COP1: variants seen among roughly 807,000 people sequenced by gnomAD.
COP1 encodes the protein COP1 E3 ubiquitin ligase.
Under a neutral mutation model 101.3 loss-of-function variants are expected in COP1, and 24 were observed. The ratio of observed to expected loss-of-function variants is 0.24; its 90% CI spans 0.17 to 0.33. The LOEUF is 0.33. Among genes scored for constraint, COP1 ranks in the 10% least tolerant of loss-of-function variants. The pLI, the probability that COP1 is intolerant of heterozygous loss-of-function variation, is 1.00. For missense variants in COP1, 663 were observed against 906.2 expected (o/e 0.73, Z 3.45); for synonymous variants, 347 against 341.9 (o/e 1.01, Z -0.17).
chr1:175,991,990 T>C (rs111487842), intron 15 of COP1, among the ~76,000 whole-genome samples: 4,127 of 152,324 alleles, frequency 0.027, 178 homozygotes, highest in African/African-American at 0.094. Context: ...TGGTAAAAAG[T>C]AAATAATAAA....
intron 11 of COP1, among the ~76,000 whole-genome samples, chr1:176,080,703 T>C (rs1177134312): frequency 6.6e-6 from 1 of 152,198 alleles, no homozygotes; most frequent in Admixed American, 6.5e-5. Flanking sequence ...AAACTAATTA[T>C]AATGCTAAAT....
intron 2 of COP1, among the ~76,000 whole-genome samples, chr1:176,181,657 A>G (rs1697780216): frequency 6.6e-6 from 1 of 152,070 alleles, no homozygotes; most frequent in Non-Finnish European, 1.5e-5. Flanking sequence ...CCTGGCTAAC[A>G]TGGTGAACCC....
At chr1:176,051,059 TA>T (rs531453288) in intron 11 of COP1, among the ~76,000 whole-genome samples, 1 of 151,638 alleles carries the variant, frequency 6.6e-6, no homozygotes, top group Non-Finnish European at 1.5e-5. Flanking sequence ...CACAAAGGGA[TA>T]AAAAAAAGAA....
At chr1:176,064,224 T>A (rs564959814) in intron 11 of COP1, among the ~76,000 whole-genome samples, 1 of 152,288 alleles carries the variant, frequency 6.6e-6, no homozygotes, top group African/African-American at 2.4e-5. Flanking sequence ...AATGTAAAGT[T>A]TGAAAACTTA....
chr1:176,168,694 GAA>G (rs890134700), intron 3 of COP1: 1 of 325,178 alleles, frequency 3.1e-6, no homozygotes, highest in African/African-American at 2.2e-5. Context: ...TCAGGAGAGG[GAA>G]AGAGAGCATT....
At chr1:176,155,386 G>T (rs1013703687) in intron 5 of COP1, among the ~76,000 whole-genome samples, 10 of 151,826 alleles carry the variant, frequency 6.6e-5, no homozygotes, top group African/African-American at 2.4e-4. Context: ...TAAGAGCAAA[G>T]CAGACATAGC....
chr1:176,032,576 G>T (rs1338540200), intron 14 of COP1, among the ~76,000 whole-genome samples: 1 of 151,994 alleles, frequency 6.6e-6, no homozygotes, highest in Non-Finnish European at 1.5e-5. Context: ...TAGGACTCTA[G>T]ACTATTAAAC....
chr1:175,993,604 C>A (rs1659270000), intron 15 of COP1, among the ~76,000 whole-genome samples: 2 of 152,056 alleles, frequency 1.3e-5, no homozygotes, highest in African/African-American at 4.8e-5. Flanking sequence ...AATGCAGAAC[C>A]CTCAGGAGCC....
intron 9 of COP1, among the ~76,000 whole-genome samples, chr1:176,106,092 G>A (rs558786649): frequency 9.9e-5 from 15 of 152,248 alleles, no homozygotes; most frequent in Admixed American, 1.3e-4. Context: ...CTGTGGTGGC[G>A]TGTGCTCAGC....
In COP1 at chr1:176,207,014, A is replaced by G; in HGVS notation, c.-36T>C. ...TCCCCTCCAGCCGGGCGCTCGGAGG[A>G]GAGGGACCGCGACCTCGACCCTCCG... On this transcript the variant is annotated 5_prime_UTR_variant, in exon 1 of 20. Coordinates refer to ENST00000367669, the MANE Select transcript of COP1 (RefSeq NM_022457.7). 1.5e-6 allele frequency: 2 copies of G among 1,361,096 alleles called. No individual in the cohort carries two copies. Among genetic ancestry groups the G allele is most frequent in the Non-Finnish European group, 1.9e-6 (2 of 1,059,924 alleles). The allele number at this position is 1,361,096 out of a possible 1,614,324, so 84.3% of individuals were successfully genotyped here.
At chr1:176,141,425 C>T (rs371221614) in intron 6 of COP1, among the ~76,000 whole-genome samples, 2 of 152,030 alleles carry the variant, frequency 1.3e-5, no homozygotes, top group African/African-American at 2.4e-5. Context: ...CTCTTGAACC[C>T]GGGAGGTGCA....
chr1:175,956,449 G>A (rs1172235071), intron 18 of COP1, among the ~76,000 whole-genome samples: 2 of 151,730 alleles, frequency 1.3e-5, no homozygotes, highest in Admixed American at 6.6e-5. Flanking sequence ...AAAATCTTTG[G>A]GTTGGCAACT....
chr1:176,087,342 T>C (rs1156455745), intron 9 of COP1, among the ~76,000 whole-genome samples: 2 of 151,892 alleles, frequency 1.3e-5, no homozygotes, highest in African/African-American at 2.4e-5. Context: ...TGGGAGAAAA[T>C]TTTTGCAATC....
chr1:175,993,773 G>A (rs1027261527), intron 15 of COP1, among the ~76,000 whole-genome samples: 4 of 152,332 alleles, frequency 2.6e-5, no homozygotes, highest in African/African-American at 9.6e-5. Context: ...TCTGATTGGT[G>A]TACCTGAAAG....
intron 6 of COP1, 27 bp from the exon 7 acceptor site, chr1:176,136,574 CAAAA>C: frequency 1.7e-6 from 2 of 1,193,566 alleles, no homozygotes; most frequent in Non-Finnish European, 2.3e-6. Context: ...GAGAGAAAGA[CAAAA>C]AAAAAAAAGC....
intron 19 of COP1, among the ~76,000 whole-genome samples, chr1:175,946,652 T>G (rs1293277215): frequency 6.6e-6 from 1 of 152,228 alleles, no homozygotes; most frequent in African/African-American, 2.4e-5. Flanking sequence ...TTTTTATGGC[T>G]AGGCTTCCTT....
intron 15 of COP1, among the ~76,000 whole-genome samples, chr1:176,011,743 T>C (rs1393959100): frequency 2.6e-5 from 4 of 152,216 alleles, no homozygotes; most frequent in Admixed American, 6.5e-5. Context: ...TTCATGATGA[T>C]ATATGATGGC....
intron 14 of COP1, among the ~76,000 whole-genome samples, chr1:176,033,355 T>G (rs549627943): frequency 1.3e-5 from 2 of 151,748 alleles, no homozygotes; most frequent in South Asian, 4.2e-4. Flanking sequence ...TGAACCCGGG[T>G]GGTGGAGGCT....
chr1:176,205,675 A>G (rs991573860), intron 1 of COP1, among the ~76,000 whole-genome samples: 2 of 152,116 alleles, frequency 1.3e-5, no homozygotes, highest in Non-Finnish European at 2.9e-5. Flanking sequence ...ATTCCAAAAC[A>G]CTCTCAAGCA....
Sources: allele counts gnomAD v4.1 joint callset (sites outside exome capture counted in the v4.1 genomes callset), GRCh38; gene constraint gnomAD v4.1.1; transcripts MANE v1.5; gene names NCBI Gene and HGNC (gene_info 2026-07-23, HGNC 2026-07-21).